NFIX: variants seen among roughly 807,000 people sequenced by gnomAD.
NFIX encodes the protein nuclear factor 1 X-type.
Under a neutral mutation model 53.3 loss-of-function variants are expected in NFIX, and 2 were observed. The ratio of observed to expected loss-of-function variants is 0.04; its 90% CI spans 0.02 to 0.12. The LOEUF is 0.12. Among genes scored for constraint, NFIX ranks in the 10% least tolerant of loss-of-function variants. The pLI is 1.00. For synonymous variants in NFIX, 244 were observed against 289.0 expected, an observed-to-expected ratio of 0.84 and a Z score of 1.58; for missense variants, 310 against 674.5, an observed-to-expected ratio of 0.46 and a Z score of 5.99.
In NFIX at chr19:13,095,249, A is replaced by T. The variant is rs987124893; in HGVS notation, c.*600A>T. 1.2e-5 allele frequency: 1 copy of T among 86,252 alleles called. No individual in the cohort carries two copies. The highest frequency in any genetic ancestry group is 4.5e-5 in the African/African-American group (1 of 21,992). 5.3% of individuals were successfully genotyped at this position (86,252 alleles called of 1,614,324 possible). A position where few individuals can be genotyped will look rare whatever the true frequency, so the allele number is the denominator to read the frequency against. On this transcript the variant is annotated 3_prime_UTR_variant, in exon 11 of 11. Transcript: ENST00000592199. Reference sequence around the variant, plus strand: ...CTTCTTCCCCCAGCTGCTCCCGACCAGGAGGGGGAGAGCAGCCTCCACTTA... The same window carrying T: ...CTTCTTCCCCCAGCTGCTCCCGACCTGGAGGGGGAGAGCAGCCTCCACTTA...
intron 2 of NFIX, among the ~76,000 whole-genome samples, chr19:13,058,661 C>T (rs1215543490): frequency 7.9e-5 from 12 of 151,658 alleles, no homozygotes; most frequent in African/African-American, 2.9e-4. Context: ...CACTGCATTC[C>T]AGCCTGGGTG....
rs1355846559 is a variant in NFIX, at chr19:13,088,498, T to G, written c.1402+362T>G. 1.3e-5 allele frequency among the ~76,000 whole-genome samples: 2 copies of G among 151,684 alleles called. No homozygotes were observed. Among genetic ancestry groups the G allele is most frequent in the Non-Finnish European group, 2.9e-5 (2 of 67,900 alleles). On this transcript the variant is annotated intron_variant, in intron 9 of 10. Coordinates refer to ENST00000592199, the MANE Select transcript of NFIX (RefSeq NM_001365902.3). This position sits in a 1 kb window ranked among gnomAD's most constrained non-coding sequence, Gnocchi z 5.9. ...TTCATGCCTGATTGCTGTTTTTTTTTTTTTGTTTTTTGTTTTTGTTTTTTA... is the reference window on the plus strand; with the variant it reads ...TTCATGCCTGATTGCTGTTTTTTTTGTTTTGTTTTTTGTTTTTGTTTTTTA...
At position 13,075,524 on chromosome 19, in the gene NFIX, T is replaced by C. The variant is rs774848084; in HGVS notation, c.819-11T>C. 2 of 1,613,314 alleles carry C rather than the reference T, an allele frequency of 1.2e-6. No individual in the cohort carries two copies. Among genetic ancestry groups the C allele is most frequent in the Admixed American group, 3.3e-5 (2 of 59,964 alleles). ...ATCCTTGGCCCATGTGACCCTTTCTTTCTTCCCCAGCACCACCAAGCGCCC... is the reference window on the plus strand; with the variant it reads ...ATCCTTGGCCCATGTGACCCTTTCTCTCTTCCCCAGCACCACCAAGCGCCC... On this transcript the variant is annotated splice_polypyrimidine_tract_variant and intron_variant, in intron 5 of 10. Transcript: ENST00000592199.
At chr19:13,030,403 A>G (rs536469217) in intron 2 of NFIX, among the ~76,000 whole-genome samples, 4 of 152,252 alleles carry the variant, frequency 2.6e-5, no homozygotes, top group Admixed American at 6.5e-5. Flanking sequence ...ATTGAGGACA[A>G]TTGTTATGAT....
At chr19:13,071,422 G>A (rs556891496) in intron 2 of NFIX, 61 of 152,286 alleles carry the variant, frequency 4.0e-4, no homozygotes, top group African/African-American at 1.5e-3. Flanking sequence ...CAGGGAACAT[G>A]GGTAGGCTTC....
rs1019039173 is a variant in NFIX at position 13,006,972 on chromosome 19, G to T, written c.27+11108G>T. Among the ~76,000 whole-genome samples the T allele has an allele frequency of 6.6e-6, 1 of 152,194 alleles. No individual in the cohort carries two copies. Among genetic ancestry groups the T allele is most frequent in the Non-Finnish European group, 1.5e-5 (1 of 68,024 alleles). ...GGTGGGGAAGTGCTGGGCGCCTCCA[G>T]GCCCCTGCTTGTCCCGTGCCACCTG... On this transcript the variant is annotated intron_variant, in intron 1 of 10. Coordinates refer to ENST00000592199, the MANE Select transcript of NFIX (RefSeq NM_001365902.3). The surrounding 1 kb of genome is among the most constrained non-coding windows in gnomAD (Gnocchi z 5.6).
At position 13,078,671 on chromosome 19, in the gene NFIX, G is replaced by A; in HGVS notation, c.1014G>A (p.Gln338=). ...ACTTCTGCAGTGCCCTCTCCTCTCA[G>A]GGCAGCTCCCCGCGCATGGCTTTCA... ...KLDFCSALSS[Q]GSSPRMAFTH... Residue 338 remains glutamine, a synonymous_variant, in exon 7 of 11, where the codon CAG becomes CAA. Coordinates refer to ENST00000592199, the MANE Select transcript of NFIX (RefSeq NM_001365902.3). This position sits in a 1 kb window ranked among gnomAD's most constrained non-coding sequence, Gnocchi z 4.7. 2 of 1,599,712 alleles carry A rather than the reference G, an allele frequency of 1.3e-6. No individual in the cohort carries two copies. The highest frequency in any genetic ancestry group is 1.7e-6 in the Non-Finnish European group (2 of 1,173,540).
At position 13,073,920 on chromosome 19, in the gene NFIX, G is replaced by A. The variant is rs1443000757; in HGVS notation, c.712G>A (p.Ala238Thr). ...VRVSQTPVAT[A>T]SGPNFSLADL... ...GTTCTTCCCAGCTCCTGTTGCAACAGCATCAGGGCCCAACTTCTCCCTGGC... is the reference window on the plus strand; with the variant it reads ...GTTCTTCCCAGCTCCTGTTGCAACAACATCAGGGCCCAACTTCTCCCTGGC... The change falls in exon 5 of 11, where the codon GCA becomes ACA. Residue 238 changes from alanine (A) to threonine (T), a missense_variant. Transcript: ENST00000592199. The surrounding 1 kb of genome is among the most constrained non-coding windows in gnomAD (Gnocchi z 4.5). The A allele has an allele frequency of 6.2e-7, 1 of 1,613,950 alleles. No homozygotes were observed. Among genetic ancestry groups the A allele is most frequent in the Non-Finnish European group, 8.5e-7 (1 of 1,179,890 alleles).
At chr19:13,064,462 C>T (rs972060371) in intron 2 of NFIX, among the ~76,000 whole-genome samples, 14 of 152,240 alleles carry the variant, frequency 9.2e-5, no homozygotes, top group East Asian at 3.8e-4. Context: ...CCCTCTCTCC[C>T]CCACCCCTGT....
At chr19:13,056,345 G>A (rs2145345110) in intron 2 of NFIX, among the ~76,000 whole-genome samples, 1 of 152,284 alleles carries the variant, frequency 6.6e-6, no homozygotes, top group Middle Eastern at 3.4e-3. Flanking sequence ...GGCAGAGGAG[G>A]GAGTGGGGAG....
At position 13,049,595 on chromosome 19, in the gene NFIX, C is replaced by CTT. The variant is rs71168649; in HGVS notation, c.560-23437_560-23436dup. Among the ~76,000 whole-genome samples, 1 of 122,790 alleles carries CTT rather than the reference C, an allele frequency of 8.1e-6. No individual in the cohort carries two copies. The highest frequency in any genetic ancestry group is 1.8e-5 in the Non-Finnish European group (1 of 56,594). 80.6% of individuals were successfully genotyped at this position (122,790 alleles called of 152,430 possible). A position where few individuals can be genotyped will look rare whatever the true frequency, so the allele number is the denominator to read the frequency against. On this transcript the variant is annotated intron_variant, in intron 2 of 10. Coordinates refer to ENST00000592199, the MANE Select transcript of NFIX (RefSeq NM_001365902.3). The surrounding 1 kb of genome is among the most constrained non-coding windows in gnomAD (Gnocchi z 4.5). ...TTGTAGCAGCAAGTGTCAGTGGTTC[C>CTT]TTTTTTTTTTTTTTTTGAGACAGAG...
At chr19:13,007,566 C>T (rs1486674519) in intron 1 of NFIX, among the ~76,000 whole-genome samples, 4 of 152,168 alleles carry the variant, frequency 2.6e-5, no homozygotes, top group Non-Finnish European at 5.9e-5. Context: ...CCAACCTCTC[C>T]CTTTCCCTAA....
rs919965397 is a variant in NFIX at position 13,081,563 on chromosome 19, C to G, written c.1079-117C>G. ...TAACTTTTGTGCCTGTGGCGGCTGC[C>G]TTACCTGCTCAGGATCCTCAGGACC... On this transcript the variant is annotated intron_variant, in intron 7 of 10. Transcript: ENST00000592199. This position sits in a 1 kb window ranked among gnomAD's most constrained non-coding sequence, Gnocchi z 4.7. 19 of 1,074,932 alleles carry G rather than the reference C, an allele frequency of 1.8e-5. No individual in the cohort carries two copies. Among genetic ancestry groups the G allele is most frequent in the Middle Eastern group, 3.0e-4 (1 of 3,286 alleles). 66.6% of individuals were successfully genotyped at this position (1,074,932 alleles called of 1,614,324 possible). A position where few individuals can be genotyped will look rare whatever the true frequency, so the allele number is the denominator to read the frequency against.
intron 1 of NFIX, among the ~76,000 whole-genome samples, chr19:13,008,339 C>T (rs903026691): frequency 3.9e-5 from 6 of 152,164 alleles, no homozygotes; most frequent in African/African-American, 1.2e-4. Flanking sequence ...AAAGGTGAGT[C>T]CCTAAAAGTG....
intron 2 of NFIX, among the ~76,000 whole-genome samples, chr19:13,058,209 T>TC (rs2015834825): frequency 6.6e-6 from 1 of 151,992 alleles, no homozygotes; most frequent in Non-Finnish European, 1.5e-5. Flanking sequence ...TCCACCAGGC[T>TC]CCAGGGGCTA....
At chr19:13,038,678 A>G (rs542720463) in intron 2 of NFIX, among the ~76,000 whole-genome samples, 2 of 152,362 alleles carry the variant, frequency 1.3e-5, no homozygotes, top group Non-Finnish European at 2.9e-5. Flanking sequence ...TGTTTAGTTT[A>G]CTACCTGGCT....
chr19:13,060,503 C>G lies in NFIX; in HGVS notation c.560-12544C>G, dbSNP rs986895787. ...CGCCTGCTGTGTGCAGAATCTACCC[C>G]GAAACCTATAGCTTAGGAGAAGCCT... On this transcript the variant is annotated intron_variant, in intron 2 of 10. Transcript: ENST00000592199. This position sits in a 1 kb window ranked among gnomAD's most constrained non-coding sequence, Gnocchi z 4.3. Among the ~76,000 whole-genome samples, 1 of 152,224 alleles carries G rather than the reference C, an allele frequency of 6.6e-6. No homozygotes were observed. Among genetic ancestry groups the G allele is most frequent in the Non-Finnish European group, 1.5e-5 (1 of 68,038 alleles).
At chr19:13,061,608 CGCCGCTCCCTGAGCCGT>C (rs1243672488) in intron 2 of NFIX, among the ~76,000 whole-genome samples, 5 of 152,314 alleles carry the variant, frequency 3.3e-5, no homozygotes, top group South Asian at 4.1e-4. Flanking sequence ...TCCTGAGCCG[CGCCGCTCCCTGAGCCGT>C]GCTGCTCGGC....
rs1246749574 is a variant in NFIX, at chr19:13,013,469, ACT to A, written c.28-11550_28-11549del. 1.3e-5 allele frequency among the ~76,000 whole-genome samples: 2 copies of A among 151,954 alleles called. No homozygotes were observed. The highest frequency in any genetic ancestry group is 1.3e-4 in the Admixed American group (2 of 15,264). ...TTAGGTCCTTTTCCACGTGCGGATG[ACT>A]CAGCCCGCTGCAGCTGCGCCCGGGG... On this transcript the variant is annotated intron_variant, in intron 1 of 10. Transcript: ENST00000592199. This position sits in a 1 kb window ranked among gnomAD's most constrained non-coding sequence, Gnocchi z 5.9.
Sources: allele counts gnomAD v4.1 joint callset (sites outside exome capture counted in the v4.1 genomes callset), GRCh38; gene constraint gnomAD v4.1.1; non-coding constraint Gnocchi (gnomAD v3.1); transcripts MANE v1.5; gene names NCBI Gene and HGNC (gene_info 2026-07-23, HGNC 2026-07-21).